CRHR2: variants seen among roughly 807,000 people sequenced by gnomAD.
The protein encoded by CRHR2 is corticotropin releasing hormone receptor 2, also known as corticotropin-releasing hormone receptor 2.
A neutral mutation model predicts 57.9 loss-of-function variants in CRHR2; 53 were observed. The ratio of observed to expected loss-of-function variants is 0.92; its 90% CI spans 0.73 to 1.15. The LOEUF (loss-of-function observed/expected upper bound fraction) is 1.15. CRHR2 is among the 50% of genes most tolerant of loss of function. The pLI, the probability that CRHR2 is intolerant of heterozygous loss-of-function variation, is 0.00. For synonymous variants in CRHR2, 213 were observed against 220.9 expected, an observed-to-expected ratio of 0.96 and a Z score of 0.32; for missense variants, 532 against 542.6, an observed-to-expected ratio of 0.98 and a Z score of 0.19.
At chr7:30,683,809 A>C (rs1309507419), upstream of CRHR2, among the ~76,000 whole-genome samples, 9 of 152,140 alleles carry the variant, frequency 5.9e-5, no homozygotes, top group Admixed American at 5.9e-4. Context: ...AGTCTCAGAA[A>C]CCAGTCCTGT....
chr7:30,658,894 G>C (rs1486832271), intron 8 of CRHR2, among the ~76,000 whole-genome samples: 1 of 152,240 alleles, frequency 6.6e-6, no homozygotes, highest in Non-Finnish European at 1.5e-5. Flanking sequence ...AGCTGCTGGG[G>C]AGTGTAGGGA....
chr7:30,654,690 A>C, intron 11 of CRHR2: 1 of 1,536,004 alleles, frequency 6.5e-7, no homozygotes, highest in Middle Eastern at 1.7e-4. Flanking sequence ...CCCTGAGTCC[A>C]TACAGACCTG....
At chr7:30,662,059 A>G in intron 7 of CRHR2, 97 bp downstream of exon 7, 2 of 1,341,180 alleles carry the variant, frequency 1.5e-6, no homozygotes. Flanking sequence ...TGTGGCTACA[A>G]TTCCTGCTCC....
Position 30,656,626 on chromosome 7 carries a change from C to T in CRHR2, c.832-614G>A, listed in dbSNP as rs375171493. Among the ~76,000 whole-genome samples, 12 of 152,294 alleles carry T rather than the reference C, an allele frequency of 7.9e-5. No individual in the cohort carries two copies. The highest frequency in any genetic ancestry group is 2.9e-4 in the African/African-American group (12 of 41,570). ...ATGGGCTGTGGGGCTGGCTCTGAGG[C>T]CCCAGGAAGGGCCTCATTTATCTTC... On this transcript the variant is annotated intron_variant, in intron 8 of 11. Transcript: ENST00000471646. This position sits in a 1 kb window ranked among gnomAD's most constrained non-coding sequence, Gnocchi z 4.4.
At chr7:30,658,835 C>T (rs1455867092) in intron 8 of CRHR2, among the ~76,000 whole-genome samples, 1 of 152,250 alleles carries the variant, frequency 6.6e-6, no homozygotes, top group East Asian at 1.9e-4. Context: ...ATTCACTTCT[C>T]AGAACCAGAA....
intron 1 of CRHR2, among the ~76,000 whole-genome samples, chr7:30,695,593 A>G (rs1785041895): frequency 6.6e-6 from 1 of 152,152 alleles, no homozygotes; most frequent in African/African-American, 2.4e-5. Context: ...AGGGGCAGGA[A>G]CTGGCCAGCA....
In CRHR2 at chr7:30,665,018, C is replaced by T; in HGVS notation, c.543+52G>A. On this transcript the variant is annotated intron_variant, in intron 5 of 11. Transcript: ENST00000471646. The surrounding 1 kb of genome is among the most constrained non-coding windows in gnomAD (Gnocchi z 4.5). Reference sequence around the variant, plus strand: ...GAGACCAGACAGACAGATGGGTGCCCCCGGAGCCCAGAGCCCCCCAGGTAT... The same window carrying T: ...GAGACCAGACAGACAGATGGGTGCCTCCGGAGCCCAGAGCCCCCCAGGTAT... 6.8e-7 allele frequency: 1 copy of T among 1,462,752 alleles called. No individual in the cohort carries two copies. The highest frequency in any genetic ancestry group is 1.7e-5 in the Admixed American group (1 of 59,764). The allele number at this position is 1,462,752 out of a possible 1,614,324, so 90.6% of individuals were successfully genotyped here.
chr7:30,694,795 G>A (rs1443883266), intron 1 of CRHR2, among the ~76,000 whole-genome samples: 1 of 151,564 alleles, frequency 6.6e-6, no homozygotes, highest in East Asian at 1.9e-4. Flanking sequence ...GAAGGAGAAG[G>A]CTTGGAGGAG....
intron 1 of CRHR2, among the ~76,000 whole-genome samples, chr7:30,692,397 G>T (rs888173576): frequency 6.6e-6 from 1 of 152,182 alleles, no homozygotes; most frequent in Non-Finnish European, 1.5e-5. Context: ...GCCCCTGAAG[G>T]TGCAGCCTCC....
chr7:30,695,173 G>T (rs1357111868), intron 1 of CRHR2, among the ~76,000 whole-genome samples: 2 of 151,850 alleles, frequency 1.3e-5, no homozygotes, highest in African/African-American at 2.4e-5. Context: ...GGCGGGCGAG[G>T]GGTGGGGTGT....
intron 1 of CRHR2, among the ~76,000 whole-genome samples, chr7:30,696,105 C>T (rs1283801490): frequency 2.6e-5 from 4 of 152,022 alleles, no homozygotes; most frequent in Non-Finnish European, 5.9e-5. Context: ...TCAAAACAAT[C>T]GCATGGAGAT....
rs746671905 is a variant in CRHR2 at position 30,665,530 on chromosome 7, C to T, written c.425G>A (p.Arg142Gln). Reference sequence around the variant, plus strand: ...AAGCAAGGCGGAAGGGCAGACTCACCGCAGGGCCAGGAAAAGCAGGAAGGC... The same window carrying T: ...AAGCAAGGCGGAAGGGCAGACTCACTGCAGGGCCAGGAAAAGCAGGAAGGC... ...VAAFLLFLAL[R>Q]SIRCLRNVIH... is the part of the protein sequence containing the mutation. Residue 142 changes from arginine to glutamine, a missense_variant and splice_region_variant, in exon 4 of 12, where the codon CGG becomes CAG. By Grantham distance (43) the Arg-to-Gln change is conservative. Coordinates refer to ENST00000471646, the MANE Select transcript of CRHR2 (RefSeq NM_001883.5). The surrounding 1 kb of genome is among the most constrained non-coding windows in gnomAD (Gnocchi z 4.5). The T allele has an allele frequency of 1.5e-5, 23 of 1,555,954 alleles. No individual in the cohort carries two copies. The highest frequency in any genetic ancestry group is 2.7e-5 in the African/African-American group (2 of 73,204).
chr7:30,653,755 C>T lies in CRHR2; in HGVS notation c.1096-155G>A, dbSNP rs1221824074. 6.6e-6 allele frequency among the ~76,000 whole-genome samples: 1 copy of T among 152,136 alleles called. No homozygotes were observed. Among genetic ancestry groups the T allele is most frequent in the African/African-American group, 2.4e-5 (1 of 41,434 alleles). Reference sequence around the variant, plus strand: ...AACAGGTCCTTCCCTGATGCTGTTGCCTCTCTCCAGGGGCCTCTTCCTTAT... The same window carrying T: ...AACAGGTCCTTCCCTGATGCTGTTGTCTCTCTCCAGGGGCCTCTTCCTTAT... On this transcript the variant is annotated intron_variant, in intron 11 of 11. Coordinates refer to ENST00000471646, the MANE Select transcript of CRHR2 (RefSeq NM_001883.5). The surrounding 1 kb of genome is among the most constrained non-coding windows in gnomAD (Gnocchi z 5.0).
At chr7:30,669,833 T>C in intron 2 of CRHR2, among the ~76,000 whole-genome samples, 1 of 152,196 alleles carries the variant, frequency 6.6e-6, no homozygotes, top group Non-Finnish European at 1.5e-5. Flanking sequence ...TCTCCAGCAT[T>C]CTACATGGCC....
In CRHR2 at chr7:30,665,157, G is replaced by A. The variant is rs191752150; in HGVS notation, c.456C>T (p.His152=). The part of the protein sequence containing the change: ...RSIRCLRNVI[H]WNLITTFILR... ...GGATAAAGGTGGTGATGAGGTTCCA[G>A]TGAATCACATTCCGCAGACAGCGAA... Residue 152 remains histidine (H), a synonymous_variant, in exon 5 of 12, where the codon CAC becomes CAT. Transcript: ENST00000471646. This position sits in a 1 kb window ranked among gnomAD's most constrained non-coding sequence, Gnocchi z 4.5. 5.0e-6 allele frequency: 8 copies of A among 1,614,146 alleles called. No individual in the cohort carries two copies. The Admixed American group carries it at 1.3e-4, about 27-fold the overall frequency.
At chr7:30,695,965 G>A (rs1333800499) in intron 1 of CRHR2, among the ~76,000 whole-genome samples, 1 of 152,192 alleles carries the variant, frequency 6.6e-6, no homozygotes, top group Non-Finnish European at 1.5e-5. Context: ...GATAGGCCCT[G>A]TAGGGCTGCT....
chr7:30,689,185 A>G (rs1784910813), intron 2 of CRHR2: 1 of 1,548,932 alleles, frequency 6.5e-7, no homozygotes, highest in South Asian at 1.2e-5. Context: ...GGCAGAGGGT[A>G]CCTACCTGAG....
In CRHR2 at chr7:30,682,404, G is replaced by T; in HGVS notation, c.-124C>A. On this transcript the variant is annotated 5_prime_UTR_variant, in exon 1 of 12. Coordinates refer to ENST00000471646, the MANE Select transcript of CRHR2 (RefSeq NM_001883.5). ...TCCTGGCCCCCGCCAGCCCAGCCCC[G>T]ATCTCCCGGGCAGCCTTTGGGCGCC... is the stretch of plus-strand genomic sequence containing the variant. 7.3e-7 allele frequency: 1 copy of T among 1,369,594 alleles called. No homozygotes were observed. The highest frequency in any genetic ancestry group is 1.5e-5 in the African/African-American group (1 of 65,382). 84.8% of individuals were successfully genotyped at this position (1,369,594 alleles called of 1,614,324 possible).
At chr7:30,662,091 GC>G in intron 7 of CRHR2, 64 bp downstream of exon 7, 1 of 1,568,194 alleles carries the variant, frequency 6.4e-7, no homozygotes, top group Non-Finnish European at 8.8e-7. Context: ...AGAGCCCAAG[GC>G]TGACCTGTCC....
Sources: gnomAD v4.1 joint callset for allele counts (sites outside exome capture counted in the v4.1 genomes callset) on GRCh38, gnomAD v4.1.1 for gene constraint, Gnocchi (gnomAD v3.1) non-coding constraint, MANE v1.5 for transcripts, NCBI Gene and HGNC (gene_info 2026-07-23, HGNC 2026-07-21) for gene names.